Variants in DNAH8 observed in about 807,000 individuals in gnomAD.
DNAH8 encodes axonemal beta dynein heavy chain 8.
In DNAH8, 382 loss-of-function variants were observed where a neutral mutation model predicts 562.1. The ratio of observed to expected loss-of-function variants is 0.68; its 90% CI spans 0.63 to 0.74. The LOEUF (loss-of-function observed/expected upper bound fraction) is 0.74. Ranked by LOEUF, DNAH8 falls within the 30% of genes least tolerant of loss-of-function variation. The probability of loss-of-function intolerance (pLI) is 0.00; values close to 1 mark genes in which losing one functional copy is unlikely to be tolerated. For missense variants in DNAH8, 5,203 were observed against 5,620.4 expected (o/e 0.93, Z 2.37); for synonymous variants, 1,881 against 1,919.4 (o/e 0.98, Z 0.52).
At chr6:38,725,140 T>G (rs900019960) in intron 3 of DNAH8, among the ~76,000 whole-genome samples, 3 of 151,710 alleles carry the variant, frequency 2.0e-5, no homozygotes, top group African/African-American at 7.3e-5. Context: ...CTGTCTCTAC[T>G]AAAAATACAA....
At position 38,737,247 on chromosome 6, in the gene DNAH8, T is replaced by A. The variant is rs770149834; in HGVS notation, c.943T>A (p.Phe315Ile). The stretch of plus-strand genomic sequence containing the variant: ...TGAAACCATCAACAGATATCTTTCA[T>A]TTTTAGATGGTAAGTATAAAATTTA... ...FTETINRYLS[F>I]LDGARISIEG... is the part of the protein sequence containing the mutation. The change falls in exon 6 of 93, where the codon TTT (phenylalanine) becomes ATT (isoleucine). Residue 315 changes from phenylalanine to isoleucine, a missense_variant. Phe to Ile is a conservative substitution (Grantham distance 21, BLOSUM62 0). This residue lies in a region of DNAH8 where 556 missense variants were observed against 496.9 expected (regional missense o/e 1.12). Coordinates refer to ENST00000327475, the MANE Select transcript of DNAH8 (RefSeq NM_001206927.2). The A allele has an allele frequency of 1.4e-6, 2 of 1,435,604 alleles. No homozygotes were observed. The highest frequency in any genetic ancestry group is 5.2e-5 in the East Asian group (2 of 38,828). The allele number at this position is 1,435,604 out of a possible 1,614,324, so 88.9% of individuals were successfully genotyped here.
At chr6:38,929,740 GAGAA>G (rs1296876094) in intron 75 of DNAH8, 74 bp downstream of exon 75, 31 of 1,331,866 alleles carry the variant, frequency 2.3e-5, no homozygotes, top group Admixed American at 5.7e-5. Flanking sequence ...AATTAAGAAA[GAGAA>G]AGAAAGAAAA....
chr6:38,818,522 A>G (rs1016371729), intron 26 of DNAH8, among the ~76,000 whole-genome samples: 2 of 137,356 alleles, frequency 1.5e-5, no homozygotes, highest in African/African-American at 5.5e-5. Context: ...CAAAATAAGA[A>G]AGCAAAAGCA....
intron 45 of DNAH8, among the ~76,000 whole-genome samples, chr6:38,865,928 CCTTA>C (rs1776999454): frequency 6.6e-6 from 1 of 152,148 alleles, no homozygotes; most frequent in Non-Finnish European, 1.5e-5. Flanking sequence ...TTCCTGTTGG[CCTTA>C]CTTGTCTTTG....
At chr6:38,920,145 A>T (rs1272650321) in intron 70 of DNAH8, among the ~76,000 whole-genome samples, 2 of 152,144 alleles carry the variant, frequency 1.3e-5, no homozygotes, top group African/African-American at 4.8e-5. Context: ...ACAGGGTTTC[A>T]TTCTGGCCCC....
At chr6:38,966,488 C>G (rs566245881) in intron 82 of DNAH8, among the ~76,000 whole-genome samples, 6 of 152,022 alleles carry the variant, frequency 3.9e-5, no homozygotes, top group African/African-American at 7.3e-5. Context: ...ATTCTGAGAC[C>G]AGTATTACCA....
rs989145760 is a variant in DNAH8, at chr6:38,762,346, C to T, written c.1617+543C>T. Among the ~76,000 whole-genome samples, 92 of 152,116 alleles carry T rather than the reference C, an allele frequency of 6.0e-4. 2 individuals carry two copies. The highest frequency in any genetic ancestry group is 1.2e-4 in the Non-Finnish European group (8 of 68,032). ...TTGAGATGCTTATAGAATTTTGCTC[C>T]TCAGTCTGTTAATGTGATAGATGAC... is the stretch of plus-strand genomic sequence containing the variant. On this transcript the variant is annotated intron_variant, in intron 11 of 92. Coordinates refer to ENST00000327475, the MANE Select transcript of DNAH8 (RefSeq NM_001206927.2).
chr6:38,867,399 G>A (rs1340932566), intron 47 of DNAH8, among the ~76,000 whole-genome samples: 1 of 152,032 alleles, frequency 6.6e-6, no homozygotes, highest in Non-Finnish European at 1.5e-5. Flanking sequence ...TTGCAAGAAT[G>A]TTATGTAAAC....
intron 91 of DNAH8, among the ~76,000 whole-genome samples, chr6:39,023,796 A>G (rs1767090186): frequency 6.6e-6 from 1 of 152,246 alleles, no homozygotes; most frequent in African/African-American, 2.4e-5. Flanking sequence ...TATCTTCTCT[A>G]CGTTCTCTGA....
chr6:38,831,430 CA>C (rs67322321), intron 30 of DNAH8, among the ~76,000 whole-genome samples: 34,705 of 88,644 alleles, frequency 0.39, 3,443 homozygotes, highest in East Asian at 0.63. Flanking sequence ...GACACCATCT[CA>C]AAAAAAAAAA....
At chr6:38,981,046 T>C (rs1432225162) in intron 85 of DNAH8, among the ~76,000 whole-genome samples, 3 of 151,524 alleles carry the variant, frequency 2.0e-5, no homozygotes, top group African/African-American at 7.3e-5. Flanking sequence ...TGTGTGTGTG[T>C]GTGTGTGTGT....
intron 31 of DNAH8, among the ~76,000 whole-genome samples, chr6:38,833,929 G>A (rs909190273): frequency 6.6e-6 from 1 of 151,916 alleles, no homozygotes; most frequent in Non-Finnish European, 1.5e-5. Flanking sequence ...TTTTCCATTG[G>A]GAGTAGCCCC....
chr6:38,853,008 CT>C (rs1369442054), intron 40 of DNAH8, among the ~76,000 whole-genome samples, 177 bp from the exon 41 acceptor site: 1 of 152,140 alleles, frequency 6.6e-6, no homozygotes, highest in Non-Finnish European at 1.5e-5. Context: ...ACTAGGTGAT[CT>C]GTGTAGTTCC....
intron 47 of DNAH8, among the ~76,000 whole-genome samples, chr6:38,867,588 CA>C (rs70981596): frequency 4.0e-3 from 516 of 130,608 alleles, no homozygotes; most frequent in African/African-American, 7.4e-3. Context: ...ACTAAAAATA[CA>C]AAAAAAAAAA....
At chr6:38,747,330 CA>C (rs1765025532) in intron 8 of DNAH8, among the ~76,000 whole-genome samples, 1 of 151,796 alleles carries the variant, frequency 6.6e-6, no homozygotes, top group Non-Finnish European at 1.5e-5. Flanking sequence ...TTCTTTTTCC[CA>C]AATGGCTGGC....
intron 80 of DNAH8, among the ~76,000 whole-genome samples, chr6:38,947,141 T>C (rs1038939999): frequency 4.6e-5 from 7 of 152,158 alleles, no homozygotes; most frequent in African/African-American, 1.7e-4. Context: ...CCATTGCCAA[T>C]AAGTGGCAAA....
rs748794345 is a variant in DNAH8, at chr6:38,845,726, T to C, written c.4998T>C (p.Thr1666=). 6.2e-7 allele frequency: 1 copy of C among 1,613,970 alleles called. No homozygotes were observed. Among genetic ancestry groups the C allele is most frequent in the East Asian group, 2.2e-5 (1 of 44,862 alleles). The change falls in exon 36 of 93, where the codon ACT becomes ACC. Residue 1666 remains threonine, a synonymous_variant. Transcript: ENST00000327475. ...LKGTESGEII[T]LMEDSLMVLG... ...GAACCGAATCGGGAGAAATTATCAC[T>C]TTGATGGAGGATAGTTTAATGGTCT... is the stretch of plus-strand genomic sequence containing the variant.
At chr6:38,920,299 A>T (rs1781605353) in intron 70 of DNAH8, among the ~76,000 whole-genome samples, 1 of 152,190 alleles carries the variant, frequency 6.6e-6, no homozygotes. Flanking sequence ...TTACCTAGTT[A>T]TATGTTAATA....
At chr6:38,858,671 A>G (rs376856588) in intron 42 of DNAH8, among the ~76,000 whole-genome samples, 2 of 152,352 alleles carry the variant, frequency 1.3e-5, no homozygotes, top group Middle Eastern at 6.8e-3. Context: ...ATTCATATGC[A>G]TATTGAAGTT....
Sources: allele counts gnomAD v4.1 joint callset (sites outside exome capture counted in the v4.1 genomes callset), GRCh38; gene constraint gnomAD v4.1.1; regional missense constraint gnomAD v4.1.1; transcripts MANE v1.5; gene names NCBI Gene and HGNC (gene_info 2026-07-23, HGNC 2026-07-21).